TBC1D14: variants seen among roughly 807,000 people sequenced by gnomAD.
TBC1D14 encodes TBC1 domain family member 14.
Under a neutral mutation model 79.0 loss-of-function variants are expected in TBC1D14, and 26 were observed. That is an observed-to-expected ratio of 0.33 (90% CI 0.24 to 0.46). The LOEUF (loss-of-function observed/expected upper bound fraction) is 0.46. TBC1D14 is among the 20% of genes least tolerant of loss of function. The pLI is 1.00. For synonymous variants in TBC1D14, 394 were observed against 349.9 expected (o/e 1.13, Z -1.40); for missense variants, 769 against 887.6 (o/e 0.87, Z 1.70).
At chr4:6,988,769 G>C (rs1208253761) in intron 3 of TBC1D14, among the ~76,000 whole-genome samples, 1 of 152,124 alleles carries the variant, frequency 6.6e-6, no homozygotes, top group Non-Finnish European at 1.5e-5. Flanking sequence ...GCTTCCAGTA[G>C]CAGGTTATTG....
chr4:6,994,079 G>A (rs1718769474), intron 3 of TBC1D14, 105 bp from the exon 4 acceptor site: 3 of 1,005,470 alleles, frequency 3.0e-6, no homozygotes, highest in South Asian at 1.3e-5. Context: ...AATTGTCCTC[G>A]AAATTGGCTT....
chr4:6,917,561 G>A (rs1723501357), intron 1 of TBC1D14, among the ~76,000 whole-genome samples: 1 of 152,150 alleles, frequency 6.6e-6, no homozygotes, highest in Non-Finnish European at 1.5e-5. Flanking sequence ...AGCACCTCAG[G>A]TGGTGGTGCA....
At chr4:7,007,489 C>T in intron 9 of TBC1D14, 2 of 1,260,014 alleles carry the variant, frequency 1.6e-6, no homozygotes, top group Non-Finnish European at 2.1e-6. Flanking sequence ...TACCTTTGCA[C>T]CTGTCCCTTG....
At position 6,989,992 on chromosome 4, in the gene TBC1D14, A is replaced by C. The variant is rs1718323808; in HGVS notation, c.844-4192A>C. On this transcript the variant is annotated intron_variant, in intron 3 of 13. Coordinates refer to ENST00000409757, the MANE Select transcript of TBC1D14 (RefSeq NM_020773.3). Reference sequence around the variant, plus strand: ...TGCAAACTTTTTTGAAATTATCCCCAGTTAGACACTTTAAATTGAGACTCA... The same window carrying C: ...TGCAAACTTTTTTGAAATTATCCCCCGTTAGACACTTTAAATTGAGACTCA... Among the ~76,000 whole-genome samples the C allele has an allele frequency of 2.0e-5, 3 of 152,240 alleles. No homozygotes were observed. In the South Asian group the frequency reaches 6.2e-4, roughly 31 times the overall value.
intron 12 of TBC1D14, among the ~76,000 whole-genome samples, chr4:7,016,036 A>G (rs527244077): frequency 6.6e-6 from 1 of 152,290 alleles, no homozygotes; most frequent in East Asian, 1.9e-4. Context: ...GGAAGGTAAA[A>G]TTCAAGTATC....
At chr4:6,951,012 G>C (rs975856847) in intron 2 of TBC1D14, among the ~76,000 whole-genome samples, 7 of 152,220 alleles carry the variant, frequency 4.6e-5, no homozygotes, top group African/African-American at 1.7e-4. Context: ...AGAACTGAGT[G>C]GGCGCAGTGG....
chr4:6,976,423 G>A (rs1263603052), intron 3 of TBC1D14, among the ~76,000 whole-genome samples: 6 of 152,152 alleles, frequency 3.9e-5, no homozygotes, highest in Admixed American at 3.9e-4. Flanking sequence ...AATCATATAA[G>A]CAACCAGAGA....
chr4:6,911,842 G>T (rs920038805), intron 1 of TBC1D14, among the ~76,000 whole-genome samples: 1 of 152,196 alleles, frequency 6.6e-6, no homozygotes, highest in Non-Finnish European at 1.5e-5. Context: ...GTGCAGGTCG[G>T]GGGTTGCTTG....
intron 3 of TBC1D14, among the ~76,000 whole-genome samples, chr4:6,987,011 C>G (rs1717902819): frequency 6.6e-6 from 1 of 152,232 alleles, no homozygotes; most frequent in African/African-American, 2.4e-5. Flanking sequence ...CAGAAGCTGG[C>G]TCTCCGCCTG....
At chr4:6,996,465 G>T in intron 5 of TBC1D14, 58 bp downstream of exon 5, 4 of 1,338,802 alleles carry the variant, frequency 3.0e-6, no homozygotes, top group Non-Finnish European at 4.2e-6. Context: ...GTGTCTTTCT[G>T]GTTATTTTCT....
At chr4:6,996,534 GT>G in intron 5 of TBC1D14, 127 bp downstream of exon 5, 4 of 574,350 alleles carry the variant, frequency 7.0e-6, no homozygotes, top group East Asian at 7.0e-5. Flanking sequence ...TAGTCTTCCA[GT>G]AAAAAAAAAA....
intron 3 of TBC1D14, among the ~76,000 whole-genome samples, chr4:6,990,473 G>C (rs902714819): frequency 6.6e-6 from 1 of 152,110 alleles, no homozygotes; most frequent in Non-Finnish European, 1.5e-5. Flanking sequence ...TTCCCTTTAG[G>C]GTTGTCCAGG....
intron 2 of TBC1D14, among the ~76,000 whole-genome samples, chr4:6,930,540 G>C (rs1288926560): frequency 6.6e-6 from 1 of 152,210 alleles, no homozygotes; most frequent in Non-Finnish European, 1.5e-5. Flanking sequence ...GCTCACGCCT[G>C]TAATCCCAGC....
chr4:7,019,043 G>C (rs1721556361), intron 12 of TBC1D14, among the ~76,000 whole-genome samples: 1 of 152,126 alleles, frequency 6.6e-6, no homozygotes, highest in Admixed American at 6.5e-5. Context: ...TTGTTGTTGA[G>C]ATGGAGTCTC....
At chr4:6,949,436 AC>A (rs1713809099) in intron 2 of TBC1D14, among the ~76,000 whole-genome samples, 1 of 152,174 alleles carries the variant, frequency 6.6e-6, no homozygotes, top group Non-Finnish European at 1.5e-5. Context: ...TAATCCCAGC[AC>A]TTTGGGAAGC....
chr4:6,977,009 G>A (rs1009777064), intron 3 of TBC1D14, among the ~76,000 whole-genome samples: 10 of 130,354 alleles, frequency 7.7e-5, no homozygotes, highest in South Asian at 2.6e-4. Context: ...TATCAATCCC[G>A]GAGAAGAAAA....
chr4:6,923,939 A>G lies in TBC1D14; in HGVS notation c.550A>G (p.Ser184Gly), dbSNP rs1724069336. Residue 184 changes from serine to glycine, a missense_variant, in exon 2 of 14, where the codon AGC becomes GGC. Coordinates refer to ENST00000409757, the MANE Select transcript of TBC1D14 (RefSeq NM_020773.3). ...GGACATCTTGGACCTTGTGGTCACG[A>G]GCAGCTCCAGTGCCATTGTGACCCT... ...NEDILDLVVT[S>G]SSSAIVTLEN... 1 of 1,614,014 alleles carries G rather than the reference A, an allele frequency of 6.2e-7. No homozygotes were observed. Among genetic ancestry groups the G allele is most frequent in the African/African-American group, 1.3e-5 (1 of 74,920 alleles).
chr4:7,018,103 G>C (rs1721455766), intron 12 of TBC1D14, among the ~76,000 whole-genome samples: 1 of 152,190 alleles, frequency 6.6e-6, no homozygotes, highest in Non-Finnish European at 1.5e-5. Flanking sequence ...GTCCAGGTTG[G>C]TTTGCCTTCG....
intron 1 of TBC1D14, among the ~76,000 whole-genome samples, chr4:6,912,684 C>T (rs532834363): frequency 2.2e-4 from 33 of 152,320 alleles, no homozygotes; most frequent in African/African-American, 7.5e-4. Context: ...TTGGCTGGCC[C>T]GATCCGTGTC....
Sources: allele counts gnomAD v4.1 joint callset (sites outside exome capture counted in the v4.1 genomes callset), GRCh38; gene constraint gnomAD v4.1.1; transcripts MANE v1.5; gene names NCBI Gene and HGNC (gene_info 2026-07-23, HGNC 2026-07-21).